SMAD9: variants seen among roughly 807,000 people sequenced by gnomAD.
The protein encoded by SMAD9 is MAD homolog 9.
Under a neutral mutation model 46.1 loss-of-function variants are expected in SMAD9, and 36 were observed. That is an observed-to-expected ratio of 0.78 (90% CI 0.60 to 1.03). The LOEUF is 1.03. SMAD9 is among the 50% of genes least tolerant of loss of function. The pLI is 0.00. For synonymous variants in SMAD9, 245 were observed against 237.1 expected (o/e 1.03, Z -0.31); for missense variants, 572 against 599.8 (o/e 0.95, Z 0.48).
chr13:36,893,176 A>G (rs758120266), intron 1 of SMAD9, among the ~76,000 whole-genome samples: 9 of 152,060 alleles, frequency 5.9e-5, no homozygotes, highest in Admixed American at 1.3e-4. Context: ...GTTTCCAAAC[A>G]TCAGGTAGAA....
At chr13:36,858,543 T>C (rs1406982714) in intron 5 of SMAD9, among the ~76,000 whole-genome samples, 1 of 152,180 alleles carries the variant, frequency 6.6e-6, no homozygotes, top group African/African-American at 2.4e-5. Context: ...GGTCCAACTG[T>C]ACTACACGGC....
At chr13:36,900,482 T>C (rs940755687) in intron 1 of SMAD9, among the ~76,000 whole-genome samples, 4 of 152,060 alleles carry the variant, frequency 2.6e-5, no homozygotes, top group Non-Finnish European at 4.4e-5. Context: ...GGTTTCACCA[T>C]GTTGGTCAGG....
At chr13:36,862,449 A>T (rs942223511) in intron 5 of SMAD9, among the ~76,000 whole-genome samples, 1 of 150,776 alleles carries the variant, frequency 6.6e-6, no homozygotes, top group African/African-American at 2.4e-5. Flanking sequence ...AGACACTCCC[A>T]CTAGCACCAT....
chr13:36,903,081 C>T (rs2058590350), intron 1 of SMAD9, among the ~76,000 whole-genome samples: 1 of 150,908 alleles, frequency 6.6e-6, no homozygotes. Flanking sequence ...GAGGCCTAGA[C>T]CTTGGGCTCT....
At position 36,884,902 on chromosome 13, in the gene SMAD9, C is replaced by T. The variant is rs1477615552; in HGVS notation, c.-186-5027G>A. Among the ~76,000 whole-genome samples, 4 of 152,222 alleles carry T rather than the reference C, an allele frequency of 2.6e-5. No individual in the cohort carries two copies. In the East Asian group the frequency reaches 7.7e-4, roughly 29 times the overall value. On this transcript the variant is annotated intron_variant, in intron 1 of 6. Transcript: ENST00000379826. ...AAGGCCTCCATCACCTACCAGGGTG[C>T]ACAATGCGCTCAGCCCAGGGGGTCA...
chr13:36,848,458 A>G lies in SMAD9; in HGVS notation c.*218T>C. The G allele has an allele frequency of 1.7e-6, 1 of 580,048 alleles. No homozygotes were observed. The highest frequency in any genetic ancestry group is 3.1e-6 in the Non-Finnish European group (1 of 325,490). 35.9% of individuals were successfully genotyped at this position (580,048 alleles called of 1,614,324 possible). On this transcript the variant is annotated 3_prime_UTR_variant, in exon 7 of 7. Coordinates refer to ENST00000379826, the MANE Select transcript of SMAD9 (RefSeq NM_001127217.3). ...TTTCCTCCCACAAAATCTGCTGCTT[A>G]TAGCACAGGCACCAAAGTCCTGCTT...
At chr13:36,916,197 T>C (rs998608209) in intron 1 of SMAD9, among the ~76,000 whole-genome samples, 59 of 152,302 alleles carry the variant, frequency 3.9e-4, no homozygotes, top group African/African-American at 1.3e-3. Flanking sequence ...TATGCGGCTA[T>C]GGTGGGGGGA....
intron 1 of SMAD9, among the ~76,000 whole-genome samples, chr13:36,887,040 GTTTTTTTT>G (rs200264324): frequency 0.053 from 5,424 of 102,570 alleles, 270 homozygotes; most frequent in East Asian, 0.22. Flanking sequence ...CTTTGAATGG[GTTTTTTTT>G]TTTTTTTTTT....
At position 36,853,593 on chromosome 13, in the gene SMAD9, G is replaced by C; in HGVS notation, c.1086C>G (p.Cys362Trp). ...CTGGGTGGAAGCCGTGTTGATAGTT[G>C]CAGTTCCGGCTCTGCACAAAGATGC... ...DSSIFVQSRN[C>W]NYQHGFHPAT... The change falls in exon 6 of 7, where the codon TGC (cysteine) becomes TGG (tryptophan). Residue 362 changes from cysteine to tryptophan, a missense_variant. Transcript: ENST00000379826. 6.2e-7 allele frequency: 1 copy of C among 1,614,126 alleles called. No homozygotes were observed. The highest frequency in any genetic ancestry group is 8.5e-7 in the Non-Finnish European group (1 of 1,180,030).
At chr13:36,888,215 C>T (rs2058463225) in intron 1 of SMAD9, among the ~76,000 whole-genome samples, 1 of 152,166 alleles carries the variant, frequency 6.6e-6, no homozygotes, top group Non-Finnish European at 1.5e-5. Flanking sequence ...AGGGAGGGAT[C>T]TGGTGGGAGG....
At chr13:36,916,433 G>A (rs941335670) in intron 1 of SMAD9, among the ~76,000 whole-genome samples, 2 of 152,142 alleles carry the variant, frequency 1.3e-5, no homozygotes, top group Admixed American at 6.6e-5. Context: ...CTGGGCTGAG[G>A]GGATTTCAGG....
At chr13:36,865,190 G>T (rs17054640) in intron 5 of SMAD9, among the ~76,000 whole-genome samples, 10,630 of 152,252 alleles carry the variant, frequency 0.07, 1,250 homozygotes, top group African/African-American at 0.24. Context: ...CTTCAGAAAT[G>T]ATCCTAGTTT....
chr13:36,879,457 C>T lies in SMAD9; in HGVS notation c.233G>A (p.Arg78Gln), dbSNP rs762725302. The T allele has an allele frequency of 1.2e-6, 2 of 1,613,770 alleles. No individual in the cohort carries two copies. Among genetic ancestry groups the T allele is most frequent in the Admixed American group, 1.7e-5 (1 of 60,032 alleles). ...CVTIPRSLDG[R>Q]LQVSHRKGLP... ...GCCCTTGCGGTGGGACACCTGCAGC[C>T]GCCCGTCCAGGGAGCGGGGAATCGT... Residue 78 changes from arginine to glutamine, a missense_variant, in exon 2 of 7, where the codon CGG becomes CAG. Transcript: ENST00000379826.
chr13:36,879,725 CG>C lies in SMAD9; in HGVS notation c.-37del, dbSNP rs1566026824. The stretch of plus-strand genomic sequence containing the variant: ...AGCAGGCTCCGGCGCGCACGGGAAC[CG>C]CACAGCCCTTCACGGCAAAGTGGGC... On this transcript the variant is annotated 5_prime_UTR_variant, in exon 2 of 7. Coordinates refer to ENST00000379826, the MANE Select transcript of SMAD9 (RefSeq NM_001127217.3). The C allele has an allele frequency of 1.2e-6, 2 of 1,611,334 alleles. No homozygotes were observed.
chr13:36,866,198 C>G (rs984514492), intron 4 of SMAD9, among the ~76,000 whole-genome samples: 34 of 151,992 alleles, frequency 2.2e-4, no homozygotes, highest in Admixed American at 7.9e-4. Context: ...GTATCATTTT[C>G]TAACAAACTA....
chr13:36,888,024 G>A (rs1317760892), intron 1 of SMAD9, among the ~76,000 whole-genome samples: 1 of 152,202 alleles, frequency 6.6e-6, no homozygotes, highest in Non-Finnish European at 1.5e-5. Flanking sequence ...CAGAAGGGCT[G>A]ACAACAAAGC....
intron 2 of SMAD9, among the ~76,000 whole-genome samples, chr13:36,875,149 A>C (rs537360853): frequency 6.6e-6 from 1 of 152,250 alleles, no homozygotes; most frequent in Non-Finnish European, 1.5e-5. Context: ...TTTGTCAACC[A>C]CAGGCAAGTA....
intron 3 of SMAD9, among the ~76,000 whole-genome samples, chr13:36,871,641 G>A (rs550538774): frequency 3.9e-4 from 60 of 152,296 alleles, no homozygotes; most frequent in Admixed American, 1.8e-3. Flanking sequence ...AAGAAGGCTC[G>A]CTGTTCAATG....
In SMAD9 at chr13:36,888,174, T is replaced by C. The variant is rs531853004; in HGVS notation, c.-186-8299A>G. Among the ~76,000 whole-genome samples the C allele has an allele frequency of 3.9e-4, 59 of 152,272 alleles. 1 individual carries two copies. The South Asian group carries it at 8.5e-3, about 22-fold the overall frequency. On this transcript the variant is annotated intron_variant, in intron 1 of 6. Transcript: ENST00000379826. ...GTTTGGCTCTGTGCCCCCGCCCAAATCTCATCTTGAACTGTAGTCCCCACT... is the reference window on the plus strand; with the variant it reads ...GTTTGGCTCTGTGCCCCCGCCCAAACCTCATCTTGAACTGTAGTCCCCACT...
Sources: allele counts gnomAD v4.1 joint callset (sites outside exome capture counted in the v4.1 genomes callset), GRCh38; gene constraint gnomAD v4.1.1; transcripts MANE v1.5; gene names NCBI Gene and HGNC (gene_info 2026-07-23, HGNC 2026-07-21).